The following IFFO2 variants were observed in gnomAD, a reference collection of about 807,000 sequenced individuals.
IFFO2 encodes intermediate filament family orphan 2.
IFFO2 carries 19 observed loss-of-function variants against 53.5 expected under a neutral mutation model. The observed-to-expected ratio is 0.36, with a 90% CI of 0.25 to 0.52. IFFO2 has a LOEUF of 0.52. IFFO2 is among the 20% of genes least tolerant of loss of function. The pLI is 0.94. For synonymous variants in IFFO2, 303 were observed against 313.6 expected (o/e 0.97, Z 0.36); for missense variants, 570 against 727.4 (o/e 0.78, Z 2.49).
chr1:18,943,606 A>T (rs1936547607), intron 1 of IFFO2, among the ~76,000 whole-genome samples: 1 of 152,214 alleles, frequency 6.6e-6, no homozygotes, highest in Non-Finnish European at 1.5e-5. Context: ...AATCAGGCTC[A>T]CCAACACCCT....
In IFFO2 at chr1:18,919,619, AT is replaced by A; in HGVS notation, c.822+58del. 1.7e-6 allele frequency: 2 copies of A among 1,157,090 alleles called. No homozygotes were observed. Among genetic ancestry groups the A allele is most frequent in the South Asian group, 2.6e-5 (2 of 76,074 alleles). The allele number at this position is 1,157,090 out of a possible 1,614,324, so 71.7% of individuals were successfully genotyped here. On this transcript the variant is annotated intron_variant, in intron 3 of 8. Transcript: ENST00000455833. The surrounding 1 kb of genome is among the most constrained non-coding windows in gnomAD (Gnocchi z 4.9). ...CCCGGAGCCTCGGAGGGAATGAAGC[AT>A]TTTGCATGATGGGTGTGGGGGAGGT...
At chr1:18,931,602 C>T (rs1159181006) in intron 1 of IFFO2, among the ~76,000 whole-genome samples, 4 of 152,316 alleles carry the variant, frequency 2.6e-5, no homozygotes, top group East Asian at 1.9e-4. Context: ...CACTCTTCTA[C>T]GAGAAGGGAA....
chr1:18,920,269 G>A (rs949433667), intron 2 of IFFO2, among the ~76,000 whole-genome samples: 3 of 152,114 alleles, frequency 2.0e-5, no homozygotes, highest in Non-Finnish European at 2.9e-5. Flanking sequence ...CATATTTGAC[G>A]ATGAACCCGT....
At position 18,907,172 on chromosome 1, in the gene IFFO2, T is replaced by C. The variant is rs1047304647; in HGVS notation, c.*1389A>G. The C allele has an allele frequency of 5.3e-5, 8 of 152,126 alleles. No homozygotes were observed. Among genetic ancestry groups the C allele is most frequent in the African/African-American group, 1.9e-4 (8 of 41,434 alleles). The allele number at this position is 152,126 out of a possible 1,614,324, so 9.4% of individuals were successfully genotyped here. Reference sequence around the variant, plus strand: ...AAAATTGGCAACAGACCCACTGCAGTAGGCTTAAAAAATAATAATAAAGCA... The same window carrying C: ...AAAATTGGCAACAGACCCACTGCAGCAGGCTTAAAAAATAATAATAAAGCA... On this transcript the variant is annotated 3_prime_UTR_variant, in exon 9 of 9. Coordinates refer to ENST00000455833, the MANE Select transcript of IFFO2 (RefSeq NM_001136265.2).
At chr1:18,951,365 C>T (rs1027084900) in intron 1 of IFFO2, among the ~76,000 whole-genome samples, 12 of 152,140 alleles carry the variant, frequency 7.9e-5, no homozygotes, top group African/African-American at 2.9e-4. Flanking sequence ...AACCACCCTC[C>T]AATCACCCCA....
intron 7 of IFFO2, among the ~76,000 whole-genome samples, 167 bp downstream of exon 7, chr1:18,911,217 G>C (rs1395039941): frequency 6.6e-6 from 1 of 152,226 alleles, no homozygotes; most frequent in Non-Finnish European, 1.5e-5. Context: ...GGAAACTGAG[G>C]CCCTAAGAAA....
intron 1 of IFFO2, among the ~76,000 whole-genome samples, chr1:18,922,948 T>C (rs1445184183): frequency 6.6e-6 from 1 of 151,482 alleles, no homozygotes; most frequent in Non-Finnish European, 1.5e-5. Flanking sequence ...GGCCACCCCA[T>C]CCCTGCCCAG....
chr1:18,914,937 C>A (rs1045156163), intron 5 of IFFO2, among the ~76,000 whole-genome samples: 22 of 151,872 alleles, frequency 1.4e-4, no homozygotes, highest in African/African-American at 4.8e-4. Context: ...CCTTAAATAG[C>A]AAACCCCCAA....
intron 5 of IFFO2, among the ~76,000 whole-genome samples, chr1:18,914,416 C>A (rs1936100701): frequency 6.6e-6 from 1 of 152,142 alleles, no homozygotes. Flanking sequence ...TTAATTTAAC[C>A]ACATGGACCC....
At chr1:18,942,578 A>C (rs1265817693) in intron 1 of IFFO2, among the ~76,000 whole-genome samples, 2 of 152,202 alleles carry the variant, frequency 1.3e-5, no homozygotes, top group Non-Finnish European at 2.9e-5. Flanking sequence ...AAGCAGTGTC[A>C]CCTCAGAGCC....
Position 18,918,634 on chromosome 1 carries a change from T to G in IFFO2, c.823-132A>C. On this transcript the variant is annotated intron_variant, in intron 3 of 8. Transcript: ENST00000455833. The surrounding 1 kb of genome is among the most constrained non-coding windows in gnomAD (Gnocchi z 5.2). ...AGGCCTCCAGAGTCCGAGGGTGCCT[T>G]GGGCTTTTCCGTGGAGTGGAGGGCT... 2.9e-6 allele frequency: 2 copies of G among 697,792 alleles called. No homozygotes were observed. Among genetic ancestry groups the G allele is most frequent in the African/African-American group, 1.9e-5 (1 of 52,610 alleles). The allele number at this position is 697,792 out of a possible 1,614,324, so 43.2% of individuals were successfully genotyped here. A position where few individuals can be genotyped will look rare whatever the true frequency, so the allele number is the denominator to read the frequency against.
chr1:18,911,352 TC>T, intron 7 of IFFO2, 31 bp downstream of exon 7: 2 of 1,214,096 alleles, frequency 1.6e-6, no homozygotes, highest in Non-Finnish European at 1.1e-6. Context: ...CAGGAGAGCC[TC>T]ACGAGTGGGC....
intron 1 of IFFO2, 141 bp from the exon 2 acceptor site, chr1:18,921,262 C>T: frequency 4.2e-6 from 3 of 721,140 alleles, no homozygotes; most frequent in South Asian, 1.6e-5. Flanking sequence ...CCCTGCCTGC[C>T]CTCTGGGAGC....
chr1:18,922,024 C>T (rs1430126392), intron 1 of IFFO2, among the ~76,000 whole-genome samples: 3 of 152,108 alleles, frequency 2.0e-5, no homozygotes, highest in South Asian at 2.1e-4. Context: ...ATTCAATCCT[C>T]GTAACAACCT....
At chr1:18,911,923 C>G in intron 6 of IFFO2, 40 bp downstream of exon 6, 1 of 1,550,094 alleles carries the variant, frequency 6.5e-7, no homozygotes, top group South Asian at 1.2e-5. Flanking sequence ...TCCCCCAGAC[C>G]CCTAGTCCTG....
rs1935942841 is a variant in IFFO2 at position 18,906,030 on chromosome 1, T to G, written c.*2531A>C. 1 of 152,208 alleles carries G rather than the reference T, an allele frequency of 6.6e-6. No homozygotes were observed. The highest frequency in any genetic ancestry group is 1.5e-5 in the Non-Finnish European group (1 of 68,154). The allele number at this position is 152,208 out of a possible 1,614,324, so 9.4% of individuals were successfully genotyped here. Reference sequence around the variant, plus strand: ...AGGGGACAAGCAGGGCCCACTGACATTAACTGAAAAAAGCATGTGGTGGAG... The same window carrying G: ...AGGGGACAAGCAGGGCCCACTGACAGTAACTGAAAAAAGCATGTGGTGGAG... On this transcript the variant is annotated 3_prime_UTR_variant, in exon 9 of 9. Transcript: ENST00000455833.
intron 8 of IFFO2, among the ~76,000 whole-genome samples, chr1:18,909,108 G>A (rs1012862091): frequency 6.6e-6 from 1 of 151,986 alleles, no homozygotes; most frequent in African/African-American, 2.4e-5. Flanking sequence ...TAACCTGCCT[G>A]AGCGTCTGCT....
intron 1 of IFFO2, among the ~76,000 whole-genome samples, chr1:18,923,141 G>A (rs78715394): frequency 0.014 from 2,117 of 152,348 alleles, 45 homozygotes; most frequent in East Asian, 0.11. Flanking sequence ...AGTCTAGAGC[G>A]AACCTGCTAA....
chr1:18,944,106 C>T (rs1329525745), intron 1 of IFFO2, among the ~76,000 whole-genome samples: 1 of 152,220 alleles, frequency 6.6e-6, no homozygotes, highest in Non-Finnish European at 1.5e-5. Flanking sequence ...AAGGTAGCTG[C>T]TCTCCTTCGC....
Sources: gnomAD v4.1 joint callset for allele counts (sites outside exome capture counted in the v4.1 genomes callset) on GRCh38, gnomAD v4.1.1 for gene constraint, Gnocchi (gnomAD v3.1) non-coding constraint, MANE v1.5 for transcripts, NCBI Gene and HGNC (gene_info 2026-07-23, HGNC 2026-07-21) for gene names.